DYNC1I1: variants seen among roughly 807,000 people sequenced by gnomAD.
The protein encoded by DYNC1I1 is cytoplasmic dynein 1 intermediate chain 1.
DYNC1I1 carries 43 observed loss-of-function variants against 86.6 expected under a neutral mutation model. The observed-to-expected ratio is 0.50, with a 90% CI of 0.39 to 0.64. The LOEUF (loss-of-function observed/expected upper bound fraction) is 0.64. Among genes scored for constraint, DYNC1I1 ranks in the 30% least tolerant of loss-of-function variants. The pLI is 0.00. For synonymous variants in DYNC1I1, 262 were observed against 283.7 expected (o/e 0.92, Z 0.77); for missense variants, 604 against 788.8 (o/e 0.77, Z 2.81).
intron 14 of DYNC1I1, among the ~76,000 whole-genome samples, chr7:96,068,315 G>A (rs1790055888): frequency 6.6e-6 from 1 of 152,104 alleles, no homozygotes; most frequent in Non-Finnish European, 1.5e-5. Flanking sequence ...TTGAACTTCT[G>A]CTATTTGTGA....
At chr7:95,810,583 C>G in intron 3 of DYNC1I1, 77 bp downstream of exon 3, 1 of 1,138,542 alleles carries the variant, frequency 8.8e-7, no homozygotes, top group Non-Finnish European at 1.2e-6. Flanking sequence ...GTTTACTATT[C>G]TTTTAAGTCT....
intron 6 of DYNC1I1, among the ~76,000 whole-genome samples, chr7:95,910,770 C>T (rs549638597): frequency 1.3e-5 from 2 of 152,214 alleles, no homozygotes; most frequent in Non-Finnish European, 2.9e-5. Context: ...TCAGATTTCT[C>T]ACCTGTTAAA....
intron 6 of DYNC1I1, among the ~76,000 whole-genome samples, chr7:95,909,872 C>T (rs746538860): frequency 2.0e-5 from 3 of 152,066 alleles, no homozygotes; most frequent in South Asian, 2.1e-4. Context: ...TTGAGACCTG[C>T]GTTACCTGGA....
chr7:95,869,209 C>T (rs1046664040), intron 5 of DYNC1I1, among the ~76,000 whole-genome samples: 2 of 152,100 alleles, frequency 1.3e-5, no homozygotes, highest in African/African-American at 4.8e-5. Context: ...CCCCTGAAAA[C>T]CCTTGAAGTG....
At chr7:96,045,971 C>T (rs1043662863) in intron 14 of DYNC1I1, among the ~76,000 whole-genome samples, 1 of 152,176 alleles carries the variant, frequency 6.6e-6, no homozygotes, top group Non-Finnish European at 1.5e-5. Flanking sequence ...ATGAGGTTAG[C>T]ATGAAGGGAG....
In DYNC1I1 at chr7:95,896,037, G is replaced by A. The variant is rs529099111; in HGVS notation, c.490+26039G>A. Among the ~76,000 whole-genome samples, 80 of 152,354 alleles carry A rather than the reference G, an allele frequency of 5.3e-4. 1 individual carries two copies. The South Asian group carries it at 0.014, about 27-fold the overall frequency. ...GCCGGCAGAAGGCATTTAGCCTTCA[G>A]TCTGTGAAGTGTTGGTGCTGGACAA... On this transcript the variant is annotated intron_variant, in intron 6 of 16. Coordinates refer to ENST00000447467, the MANE Select transcript of DYNC1I1 (RefSeq NM_001135556.2).
intron 13 of DYNC1I1, among the ~76,000 whole-genome samples, chr7:96,036,926 T>G (rs1794940161): frequency 6.6e-6 from 1 of 152,226 alleles, no homozygotes; most frequent in African/African-American, 2.4e-5. Flanking sequence ...ATGTTCACAC[T>G]GGTGCTTAAT....
chr7:96,082,648 A>G (rs779022781), intron 16 of DYNC1I1, among the ~76,000 whole-genome samples: 8 of 152,316 alleles, frequency 5.3e-5, no homozygotes, highest in African/African-American at 1.2e-4. Flanking sequence ...ATGCACACAC[A>G]TACATTCATA....
chr7:96,110,212 G>A, downstream of DYNC1I1: 1 of 288,922 alleles, frequency 3.5e-6, no homozygotes, highest in South Asian at 2.9e-5. Flanking sequence ...TTTGTTATTA[G>A]GTGCCTACAT....
At chr7:96,061,947 G>A (rs1044757121) in intron 14 of DYNC1I1, among the ~76,000 whole-genome samples, 1 of 152,108 alleles carries the variant, frequency 6.6e-6, no homozygotes, top group African/African-American at 2.4e-5. Context: ...TAACATTTTG[G>A]ATTTCATTTT....
intron 1 of DYNC1I1, among the ~76,000 whole-genome samples, chr7:95,776,491 C>T (rs568828393): frequency 4.0e-4 from 61 of 152,220 alleles, no homozygotes; most frequent in African/African-American, 1.5e-3. Flanking sequence ...AATTTTCATG[C>T]ATTTGTGCAT....
chr7:95,774,159 T>C (rs1793781193), intron 1 of DYNC1I1, among the ~76,000 whole-genome samples: 1 of 152,344 alleles, frequency 6.6e-6, no homozygotes, highest in East Asian at 1.9e-4. Context: ...CCAAGACCCA[T>C]TCCTCTTAAA....
chr7:95,813,092 C>CT (rs1794865329), intron 3 of DYNC1I1, 155 bp from the exon 4 acceptor site: 8 of 1,283,510 alleles, frequency 6.2e-6, no homozygotes, highest in South Asian at 5.7e-5. Context: ...CCTTTTCTTT[C>CT]CTTTTTTTTT....
At chr7:95,833,365 T>G (rs933878964) in intron 5 of DYNC1I1, among the ~76,000 whole-genome samples, 64 of 150,658 alleles carry the variant, frequency 4.2e-4, no homozygotes, top group African/African-American at 1.4e-3. Context: ...CTGTTTTGGT[T>G]ACTGTAGCCT....
intron 10 of DYNC1I1, among the ~76,000 whole-genome samples, chr7:96,011,704 T>C (rs1053349657): frequency 6.6e-6 from 1 of 152,218 alleles, no homozygotes; most frequent in Non-Finnish European, 1.5e-5. Flanking sequence ...TGGTGGTGTG[T>C]GTCAATCTAG....
At chr7:95,858,713 A>G (rs1426076869) in intron 5 of DYNC1I1, among the ~76,000 whole-genome samples, 1 of 151,608 alleles carries the variant, frequency 6.6e-6, no homozygotes, top group Non-Finnish European at 1.5e-5. Context: ...CATATGATGC[A>G]TTGTTGACCA....
intron 6 of DYNC1I1, among the ~76,000 whole-genome samples, chr7:95,894,672 A>G (rs752559165): frequency 6.6e-6 from 1 of 152,190 alleles, no homozygotes; most frequent in African/African-American, 2.4e-5. Flanking sequence ...GAACCATTAC[A>G]ATCAACACAT....
chr7:95,788,534 G>A (rs1321909692), intron 1 of DYNC1I1, among the ~76,000 whole-genome samples: 1 of 152,184 alleles, frequency 6.6e-6, no homozygotes, highest in Admixed American at 6.5e-5. Context: ...CGCCATTGAG[G>A]TGACTCTCCT....
intron 5 of DYNC1I1, among the ~76,000 whole-genome samples, chr7:95,865,216 T>C (rs1183365588): frequency 2.0e-5 from 3 of 152,188 alleles, no homozygotes; most frequent in African/African-American, 4.8e-5. Context: ...TTGTACTGCA[T>C]AGGTGATATT....
Sources: gnomAD v4.1 joint callset for allele counts (sites outside exome capture counted in the v4.1 genomes callset) on GRCh38, gnomAD v4.1.1 for gene constraint, MANE v1.5 for transcripts, NCBI Gene and HGNC (gene_info 2026-07-23, HGNC 2026-07-21) for gene names.